The following USP22 variants were observed in gnomAD, a reference collection of about 807,000 sequenced individuals.
USP22 encodes the protein ubiquitin carboxyl-terminal hydrolase 22.
In USP22, 22 loss-of-function variants were observed where a neutral mutation model predicts 68.1. The observed-to-expected ratio is 0.32, with a 90% confidence interval of 0.23 to 0.46. The LOEUF (loss-of-function observed/expected upper bound fraction) is 0.46, where lower values mean the gene tolerates loss of function less well. Ranked by LOEUF, USP22 falls within the 20% of genes least tolerant of loss-of-function variation. The pLI, the probability that USP22 is intolerant of heterozygous loss-of-function variation, is 1.00. For synonymous variants in USP22, 279 were observed against 274.2 expected (o/e 1.02, Z -0.17); for missense variants, 433 against 695.8 (o/e 0.62, Z 4.25).
chr17:21,028,475 A>G, intron 2 of USP22, 67 bp downstream of exon 2: 1 of 1,587,910 alleles, frequency 6.3e-7, no homozygotes, highest in Non-Finnish European at 8.6e-7. Context: ...GGAACTGCAA[A>G]TCAAAAAATC....
At chr17:21,021,426 G>A (rs931077356) in intron 2 of USP22, among the ~76,000 whole-genome samples, 200 bp from the exon 3 acceptor site, 1 of 152,166 alleles carries the variant, frequency 6.6e-6, no homozygotes, top group Admixed American at 6.5e-5. Flanking sequence ...GGCAGCTCAT[G>A]CCCAGGGCTG....
rs779259631 is a variant in USP22 at position 21,012,813 on chromosome 17, C to A, written c.944+17G>T. The A allele has an allele frequency of 1.2e-6, 2 of 1,611,282 alleles. No homozygotes were observed. The highest frequency in any genetic ancestry group is 1.7e-5 in the Admixed American group (1 of 59,984). ...CCAGAGGGTTTGATATTGCCGAGCACGCAGCCTCTCACTTACTGGCAGACT... is the reference window on the plus strand; with the variant it reads ...CCAGAGGGTTTGATATTGCCGAGCAAGCAGCCTCTCACTTACTGGCAGACT... On this transcript the variant is annotated intron_variant, in intron 7 of 12. Transcript: ENST00000261497.
At chr17:21,030,165 A>G (rs1972270459) in intron 1 of USP22, among the ~76,000 whole-genome samples, 1 of 152,356 alleles carries the variant, frequency 6.6e-6, no homozygotes, top group Non-Finnish European at 1.5e-5. Context: ...ATCCTCCCAT[A>G]AACTTTCAAT....
rs1449945551 is a variant in USP22 at position 21,011,504 on chromosome 17, G to A, written c.945-195C>T. 1.5e-5 allele frequency: 10 copies of A among 659,310 alleles called. No homozygotes were observed. In the Admixed American group the frequency reaches 2.5e-4, roughly 16 times the overall value. 40.8% of individuals were successfully genotyped at this position (659,310 alleles called of 1,614,324 possible). A position where few individuals can be genotyped will look rare whatever the true frequency, so the allele number is the denominator to read the frequency against. On this transcript the variant is annotated intron_variant, in intron 7 of 12. Coordinates refer to ENST00000261497, the MANE Select transcript of USP22 (RefSeq NM_015276.2). ...TCCTGGCTCCCAAGGTGGCCCTGGG[G>A]AGGGGTGTGTGTGAACTCGGAAGGC...
chr17:21,013,160 G>T (rs1914021079), intron 6 of USP22, among the ~76,000 whole-genome samples: 2 of 152,170 alleles, frequency 1.3e-5, no homozygotes, highest in African/African-American at 4.8e-5. Context: ...TCCCTAACAA[G>T]AGCCCCACAG....
intron 2 of USP22, among the ~76,000 whole-genome samples, chr17:21,022,118 T>A (rs991413994): frequency 6.6e-6 from 1 of 151,820 alleles, no homozygotes; most frequent in African/African-American, 2.4e-5. Flanking sequence ...AAAATAAAAA[T>A]AAAAAAATTA....
intron 1 of USP22, chr17:21,042,405 G>A (rs1472994653): frequency 7.0e-5 from 19 of 272,196 alleles, no homozygotes; most frequent in Middle Eastern, 1.0e-3. Context: ...GAGAGGAGGG[G>A]GAGGGAAAGG....
In USP22 at chr17:21,011,214, C is replaced by T. The variant is rs911964526; in HGVS notation, c.1040G>A (p.Gly347Asp). 1.2e-6 allele frequency: 2 copies of T among 1,611,798 alleles called. No individual in the cohort carries two copies. The highest frequency in any genetic ancestry group is 2.7e-5 in the African/African-American group (2 of 74,864). Residue 347 changes from glycine (G) to aspartate (D), a missense_variant, in exon 8 of 13, where the codon GGC becomes GAC. Physicochemically the swap from Gly to Asp is moderately conservative, Grantham distance 94. Coordinates refer to ENST00000261497, the MANE Select transcript of USP22 (RefSeq NM_015276.2). ...PFWPLSPGSE[G>D]NVVNGESHVS... ...GTGGCTTTCCCCGTTTACCACGTTG[C>T]CCTCGCTCCCTGGGCTCAGGGGCCA...
At chr17:21,027,217 G>A (rs1330770454) in intron 2 of USP22, among the ~76,000 whole-genome samples, 2 of 144,598 alleles carry the variant, frequency 1.4e-5, no homozygotes, top group Non-Finnish European at 3.0e-5. Flanking sequence ...GAGCCCAGGA[G>A]GTCAAGGCCG....
chr17:21,039,888 T>C (rs892827098), intron 1 of USP22, among the ~76,000 whole-genome samples: 1 of 152,262 alleles, frequency 6.6e-6, no homozygotes, highest in Non-Finnish European at 1.5e-5. Context: ...AAAGTACTTT[T>C]ACAGTCAAGT....
chr17:21,033,701 C>T (rs1405276187), intron 1 of USP22, among the ~76,000 whole-genome samples: 1 of 152,076 alleles, frequency 6.6e-6, no homozygotes, highest in African/African-American at 2.4e-5. Context: ...GCATTCTCTT[C>T]AGTGACTTTT....
intron 5 of USP22, among the ~76,000 whole-genome samples, 162 bp downstream of exon 5, chr17:21,017,780 T>C (rs563400472): frequency 4.6e-5 from 7 of 152,380 alleles, no homozygotes; most frequent in South Asian, 2.1e-4. Flanking sequence ...CTTCCCTTTT[T>C]GGAAAACTGT....
Position 21,016,881 on chromosome 17 carries a change from T to G in USP22, c.691-982A>C, listed in dbSNP as rs375099755. Among the ~76,000 whole-genome samples the G allele has an allele frequency of 2.6e-5, 4 of 152,274 alleles. No homozygotes were observed. The East Asian group carries it at 5.8e-4, about 22-fold the overall frequency. On this transcript the variant is annotated intron_variant, in intron 5 of 12. Coordinates refer to ENST00000261497, the MANE Select transcript of USP22 (RefSeq NM_015276.2). Reference sequence around the variant, plus strand: ...GCATTCGTCGAAACTCATCTATCTATAGGCTAGAAGGTGGGTGTGACTGTA... The same window carrying G: ...GCATTCGTCGAAACTCATCTATCTAGAGGCTAGAAGGTGGGTGTGACTGTA...
chr17:21,015,551 T>C (rs1914105257), intron 6 of USP22: 2 of 700,628 alleles, frequency 2.9e-6, no homozygotes, highest in African/African-American at 1.9e-5. Context: ...CCTCGCCTCT[T>C]AAAAATAAAC....
chr17:21,005,685 A>G (rs1913755765), intron 10 of USP22, among the ~76,000 whole-genome samples: 1 of 152,162 alleles, frequency 6.6e-6, no homozygotes, highest in African/African-American at 2.4e-5. Context: ...CCATGAGAGG[A>G]CACCAGGAAG....
At chr17:21,032,922 CAAAAAAAAAAAAAAAAA>C (rs753804890) in intron 1 of USP22, among the ~76,000 whole-genome samples, 2 of 91,564 alleles carry the variant, frequency 2.2e-5, no homozygotes, top group Admixed American at 2.3e-4. Context: ...GACCCTGTCT[CAAAAAAAAAAAAAAAAA>C]AAAAAAAAAA....
chr17:21,043,001 G>C lies in USP22; in HGVS notation c.-166C>G, dbSNP rs973995506. The C allele has an allele frequency of 5.7e-6, 2 of 348,006 alleles. No individual in the cohort carries two copies. The highest frequency in any genetic ancestry group is 9.9e-6 in the Non-Finnish European group (2 of 201,370). The allele number at this position is 348,006 out of a possible 1,614,324, so 21.6% of individuals were successfully genotyped here. A position where few individuals can be genotyped will look rare whatever the true frequency, so the allele number is the denominator to read the frequency against. Reference sequence around the variant, plus strand: ...GATGGGGCTGCGCGATCGCCGAGGGGAGGCTGCAAGGCAGGCACCGCCCCC... The same window carrying C: ...GATGGGGCTGCGCGATCGCCGAGGGCAGGCTGCAAGGCAGGCACCGCCCCC... On this transcript the variant is annotated 5_prime_UTR_variant, in exon 1 of 13. Transcript: ENST00000261497.
intron 7 of USP22, among the ~76,000 whole-genome samples, chr17:21,012,549 T>C (rs1343891728): frequency 2.0e-5 from 3 of 151,990 alleles, no homozygotes; most frequent in Non-Finnish European, 4.4e-5. Flanking sequence ...GACTGTAAGA[T>C]GCAAAATGGT....
At chr17:21,035,644 CTG>C (rs2143641323) in intron 1 of USP22, among the ~76,000 whole-genome samples, 1 of 152,232 alleles carries the variant, frequency 6.6e-6, no homozygotes, top group African/African-American at 2.4e-5. Context: ...AAGCAAAAAA[CTG>C]TAAGAAAGGA....
Sources: allele counts gnomAD v4.1 joint callset (sites outside exome capture counted in the v4.1 genomes callset), GRCh38; gene constraint gnomAD v4.1.1; transcripts MANE v1.5; gene names NCBI Gene and HGNC (gene_info 2026-07-23, HGNC 2026-07-21).